Variants in ZNF142 observed in about 807,000 individuals in gnomAD.
ZNF142 encodes the protein zinc finger protein 142 (clone pHZ-49).
Under a neutral mutation model 132.1 loss-of-function variants are expected in ZNF142, and 96 were observed. The observed-to-expected ratio is 0.73, with a 90% CI of 0.62 to 0.86. ZNF142 has a LOEUF of 0.86. Ranked by LOEUF, ZNF142 falls within the 40% of genes least tolerant of loss-of-function variation. The pLI is 0.00. For missense variants in ZNF142, 2,163 were observed against 2,336.2 expected (o/e 0.93, Z 1.53); for synonymous variants, 842 against 890.1 (o/e 0.95, Z 0.96).
In ZNF142 at chr2:218,642,944, C is replaced by T. The variant is rs763066002; in HGVS notation, c.4172G>A (p.Arg1391Gln). The change falls in exon 9 of 11, where the codon CGG (arginine) becomes CAG (glutamine). Residue 1391 changes from arginine to glutamine, a missense_variant. Coordinates refer to ENST00000411696, the MANE Select transcript of ZNF142 (RefSeq NM_001379659.1). The surrounding 1 kb of genome is among the most constrained non-coding windows in gnomAD (Gnocchi z 4.6). Reference sequence around the variant, plus strand: ...GGGCTTCACCCCCTCGTGCTTGAGCCGCCGGTGCTGCTGCATGCAACGGCT... The same window carrying T: ...GGGCTTCACCCCCTCGTGCTTGAGCTGCCGGTGCTGCTGCATGCAACGGCT... ...KQSRCMQQHR[R>Q]LKHEGVKPHQ... The T allele has an allele frequency of 1.3e-5, 21 of 1,613,674 alleles. No homozygotes were observed. Among genetic ancestry groups the T allele is most frequent in the East Asian group, 2.2e-5 (1 of 44,878 alleles).
In ZNF142 at chr2:218,635,868, G is replaced by A. The variant is rs1168091059; in HGVS notation, c.*2471C>T. Reference sequence around the variant, plus strand: ...GTCCATTGTGGATCCACTGGTGAAAGTGCAGATCTTTGGCGTTCGTCTAGA... The same window carrying A: ...GTCCATTGTGGATCCACTGGTGAAAATGCAGATCTTTGGCGTTCGTCTAGA... On this transcript the variant is annotated 3_prime_UTR_variant, in exon 11 of 11. Coordinates refer to ENST00000411696, the MANE Select transcript of ZNF142 (RefSeq NM_001379659.1). 6.2e-7 allele frequency: 1 copy of A among 1,613,864 alleles called. No individual in the cohort carries two copies. The highest frequency in any genetic ancestry group is 1.3e-5 in the African/African-American group (1 of 74,914).
chr2:218,651,688 C>T lies in ZNF142; in HGVS notation c.880+13G>A. On this transcript the variant is annotated intron_variant, in intron 5 of 10. Transcript: ENST00000411696. ...ACTCCAGGAGAGGAACTGCTTGGCCCTTGGCCTCATACCTGGCAGCAGCTC... is the reference window on the plus strand; with the variant it reads ...ACTCCAGGAGAGGAACTGCTTGGCCTTTGGCCTCATACCTGGCAGCAGCTC... The T allele has an allele frequency of 7.9e-7, 1 of 1,272,852 alleles. No individual in the cohort carries two copies. The highest frequency in any genetic ancestry group is 1.0e-6 in the Non-Finnish European group (1 of 980,206). 78.8% of individuals were successfully genotyped at this position (1,272,852 alleles called of 1,614,324 possible). A position where few individuals can be genotyped will look rare whatever the true frequency, so the allele number is the denominator to read the frequency against.
At position 218,650,525 on chromosome 2, in the gene ZNF142, A is replaced by G. The variant is rs762217757; in HGVS notation, c.882T>C (p.Ala294=). The change falls in exon 6 of 11, where the codon GCT becomes GCC. Residue 294 remains alanine (A), a splice_region_variant and synonymous_variant. Transcript: ENST00000411696. ...QGLPSQELLP[A]PKLPPGEREP... is the part of the protein sequence containing the mutation. Reference sequence around the variant, plus strand: ...CTCTCTCTCCTGGAGGCAGTTTGGGAGCTGGAGATACATAAAACTTGATAA... The same window carrying G: ...CTCTCTCTCCTGGAGGCAGTTTGGGGGCTGGAGATACATAAAACTTGATAA... 19 of 1,570,086 alleles carry G rather than the reference A, an allele frequency of 1.2e-5. No individual in the cohort carries two copies. The South Asian group carries it at 2.0e-4, about 17-fold the overall frequency.
chr2:218,651,343 A>C (rs1937970620), intron 5 of ZNF142, among the ~76,000 whole-genome samples: 1 of 152,220 alleles, frequency 6.6e-6, no homozygotes, highest in Admixed American at 6.5e-5. Flanking sequence ...CAGTTGCTCT[A>C]AAGGAAAGTC....
chr2:218,646,615 A>G (rs954089929), intron 7 of ZNF142, among the ~76,000 whole-genome samples: 3 of 152,026 alleles, frequency 2.0e-5, no homozygotes, highest in Non-Finnish European at 4.4e-5. Flanking sequence ...ACAGAGTCTC[A>G]ATCTGTCGCC....
intron 7 of ZNF142, 28 bp downstream of exon 7, chr2:218,648,601 TACAACA>T (rs1559298251): frequency 6.3e-7 from 1 of 1,589,228 alleles, no homozygotes; most frequent in South Asian, 1.1e-5. Context: ...CCATCATTAT[TACAACA>T]TTATTTTAAG....
At chr2:218,647,504 T>C (rs942780568) in intron 7 of ZNF142, among the ~76,000 whole-genome samples, 2 of 149,378 alleles carry the variant, frequency 1.3e-5, no homozygotes, top group African/African-American at 4.9e-5. Flanking sequence ...ATTTTACAGA[T>C]AGGGAAACAG....
chr2:218,635,894 C>T lies in ZNF142; in HGVS notation c.*2445G>A, dbSNP rs550566093. Reference sequence around the variant, plus strand: ...TGCAGATCTTTGGCGTTCGTCTAGACACAGCACGGCAGGAGACCAACTATG... The same window carrying T: ...TGCAGATCTTTGGCGTTCGTCTAGATACAGCACGGCAGGAGACCAACTATG... On this transcript the variant is annotated 3_prime_UTR_variant, in exon 11 of 11. Coordinates refer to ENST00000411696, the MANE Select transcript of ZNF142 (RefSeq NM_001379659.1). 3.7e-6 allele frequency: 6 copies of T among 1,614,008 alleles called. No individual in the cohort carries two copies. Among genetic ancestry groups the T allele is most frequent in the South Asian group, 1.1e-5 (1 of 91,082 alleles).
Position 218,648,877 on chromosome 2 carries a change from T to A in ZNF142, c.1631A>T (p.His544Leu). 1 of 1,614,204 alleles carries A rather than the reference T, an allele frequency of 6.2e-7. No individual in the cohort carries two copies. The highest frequency in any genetic ancestry group is 8.5e-7 in the Non-Finnish European group (1 of 1,180,042). ...ACAAGCAAAATCACAGTGGGGGCAG[T>A]GGAAGGCGTAGTGACTCTTGTGGTG... ...EAHHKSHYAF[H>L]CPHCDFACSN... The change falls in exon 7 of 11, where the codon CAC (histidine) becomes CTC (leucine). Residue 544 changes from histidine (H) to leucine (L), a missense_variant. By Grantham distance (99) the His-to-Leu change is moderately conservative (BLOSUM62 -3). Around this residue, in one of 7 missense-constraint regions of ZNF142, gnomAD observed 749 missense variants for 830.3 expected, o/e 0.90. Transcript: ENST00000411696.
At chr2:218,641,299 T>C (rs558504941) in intron 9 of ZNF142, among the ~76,000 whole-genome samples, 2 of 141,274 alleles carry the variant, frequency 1.4e-5, no homozygotes, top group East Asian at 4.2e-4. Flanking sequence ...CAGGCTGGAG[T>C]GCAGTGGCGC....
chr2:218,635,682 C>A lies in ZNF142; in HGVS notation c.*2657G>T, dbSNP rs943384413. ...TAGAATACTAGAAGAAAATATATTA[C>A]CCATGGAGGATGTTTTACAAACCAA... On this transcript the variant is annotated 3_prime_UTR_variant, in exon 11 of 11. Coordinates refer to ENST00000411696, the MANE Select transcript of ZNF142 (RefSeq NM_001379659.1). The A allele has an allele frequency of 2.2e-6, 3 of 1,365,532 alleles. No individual in the cohort carries two copies. The South Asian group carries it at 4.5e-5, about 20-fold the overall frequency. The allele number at this position is 1,365,532 out of a possible 1,614,324, so 84.6% of individuals were successfully genotyped here.
intron 9 of ZNF142, among the ~76,000 whole-genome samples, chr2:218,641,083 C>T (rs1315813735): frequency 4.6e-5 from 7 of 151,502 alleles, no homozygotes; most frequent in East Asian, 3.9e-4. Flanking sequence ...TACAGGCATG[C>T]GCCACAATGT....
chr2:218,656,349 G>T lies in ZNF142; in HGVS notation c.81C>A (p.Ile27=). The T allele has an allele frequency of 6.3e-7, 1 of 1,582,516 alleles. No individual in the cohort carries two copies. Among genetic ancestry groups the T allele is most frequent in the East Asian group, 2.3e-5 (1 of 43,960 alleles). ...TTCCACGGTTAGAGAGAGGCGGGGG[G>T]ATCAGCAATAGCTCAGGGCACAGTC... The part of the protein sequence containing the change: ...MDGLCPELLL[I]PPPLSNRGIL... The change falls in exon 4 of 11, where the codon ATC becomes ATA. Residue 27 remains isoleucine (I), a synonymous_variant. Coordinates refer to ENST00000411696, the MANE Select transcript of ZNF142 (RefSeq NM_001379659.1).
In ZNF142 at chr2:218,650,529, GGA is replaced by G. The variant is rs770724819; in HGVS notation, c.881-5_881-4del. 5.1e-6 allele frequency: 8 copies of G among 1,564,620 alleles called. No individual in the cohort carries two copies. The South Asian group carries it at 8.4e-5, about 16-fold the overall frequency. On this transcript the variant is annotated splice_polypyrimidine_tract_variant and splice_region_variant and intron_variant, in intron 5 of 10. Coordinates refer to ENST00000411696, the MANE Select transcript of ZNF142 (RefSeq NM_001379659.1). The stretch of plus-strand genomic sequence containing the variant: ...CTCTCCTGGAGGCAGTTTGGGAGCT[GGA>G]GATACATAAAACTTGATAAAGTCTA...
At position 218,636,522 on chromosome 2, in the gene ZNF142, C is replaced by A. The variant is rs1326301770; in HGVS notation, c.*1817G>T. The A allele has an allele frequency of 6.2e-7, 1 of 1,614,020 alleles. No homozygotes were observed. Among genetic ancestry groups the A allele is most frequent in the Non-Finnish European group, 8.5e-7 (1 of 1,179,892 alleles). On this transcript the variant is annotated 3_prime_UTR_variant, in exon 11 of 11. Transcript: ENST00000411696. The stretch of plus-strand genomic sequence containing the variant: ...AAAGATGGCATCAGCCTCCGCCCAG[C>A]TTCCATCTTTGTGTATATCTGCATC...
intron 7 of ZNF142, among the ~76,000 whole-genome samples, chr2:218,647,433 A>AAAAAAAAAAAAAAAAAAAAAC (rs1697839424): frequency 2.7e-5 from 4 of 147,086 alleles, no homozygotes; most frequent in Non-Finnish European, 4.5e-5. Flanking sequence ...AAAAAAAAAA[A>AAAAAAAAAAAAAAAAAAAAAC]AAGCCTCCTC....
chr2:218,658,321 C>A (rs1575094933), intron 3 of ZNF142, among the ~76,000 whole-genome samples: 1 of 152,168 alleles, frequency 6.6e-6, no homozygotes, highest in African/African-American at 2.4e-5. Flanking sequence ...GGGCCGATCA[C>A]CTGAGGTCAG....
Position 218,638,395 on chromosome 2 carries a change from G to C in ZNF142, c.5608C>G (p.Leu1870Val), listed in dbSNP as rs1328308807. The C allele has an allele frequency of 6.5e-7, 1 of 1,534,846 alleles. No individual in the cohort carries two copies. Among genetic ancestry groups the C allele is most frequent in the East Asian group, 2.3e-5 (1 of 44,052 alleles). Residue 1870 changes from leucine to valine, a missense_variant, in exon 11 of 11, where the codon CTG becomes GTG. By Grantham distance (32) the Leu-to-Val change is conservative. Coordinates refer to ENST00000411696, the MANE Select transcript of ZNF142 (RefSeq NM_001379659.1). Reference sequence around the variant, plus strand: ...GGAGCAGGAGGGCTGGGATCCTCCAGCTGCACATCATGCAGGTGCACTGTG... The same window carrying C: ...GGAGCAGGAGGGCTGGGATCCTCCACCTGCACATCATGCAGGTGCACTGTG... ...TPTVHLHDVQ[L>V]EDPSPPAPAA...
Position 218,642,751 on chromosome 2 carries a change from A to C in ZNF142, c.4365T>G (p.Pro1455=). ...LHRLRVHDKT[P]THFCPLCDYS... is the part of the protein sequence containing the mutation. ...AGTCACAAAGTGGACAGAAGTGGGTAGGTGTTTTGTCATGTACCCTTAACC... is the reference window on the plus strand; with the variant it reads ...AGTCACAAAGTGGACAGAAGTGGGTCGGTGTTTTGTCATGTACCCTTAACC... The change falls in exon 9 of 11, where the codon CCT becomes CCG. Residue 1455 remains proline, a synonymous_variant. Coordinates refer to ENST00000411696, the MANE Select transcript of ZNF142 (RefSeq NM_001379659.1). The surrounding 1 kb of genome is among the most constrained non-coding windows in gnomAD (Gnocchi z 4.6). 1 of 1,614,060 alleles carries C rather than the reference A, an allele frequency of 6.2e-7. No individual in the cohort carries two copies. The highest frequency in any genetic ancestry group is 2.2e-5 in the East Asian group (1 of 44,890).
Sources: gnomAD v4.1 joint callset for allele counts (sites outside exome capture counted in the v4.1 genomes callset) on GRCh38, gnomAD v4.1.1 for gene constraint, gnomAD v4.1.1 regional missense constraint, Gnocchi (gnomAD v3.1) non-coding constraint, MANE v1.5 for transcripts, NCBI Gene and HGNC (gene_info 2026-07-23, HGNC 2026-07-21) for gene names.